DNAH7: variants seen among roughly 807,000 people sequenced by gnomAD.
DNAH7 encodes the protein axonemal beta dynein heavy chain 7.
DNAH7 carries 397 observed loss-of-function variants against 444.6 expected under a neutral mutation model. The ratio of observed to expected loss-of-function variants is 0.89; its 90% CI spans 0.82 to 0.97. The LOEUF (loss-of-function observed/expected upper bound fraction) is 0.97. Ranked by LOEUF, DNAH7 falls within the 50% of genes least tolerant of loss-of-function variation. The probability of loss-of-function intolerance (pLI) is 0.00; values close to 1 mark genes in which losing one functional copy is unlikely to be tolerated. For synonymous variants in DNAH7, 1,636 were observed against 1,624.4 expected (o/e 1.01, Z -0.17); for missense variants, 4,902 against 4,800.8 (o/e 1.02, Z -0.62).
intron 19 of DNAH7, among the ~76,000 whole-genome samples, chr2:195,939,656 G>C (rs909740847): frequency 6.6e-6 from 1 of 152,088 alleles, no homozygotes; most frequent in Non-Finnish European, 1.5e-5. Context: ...TTGGTTAAAA[G>C]AACACTGACT....
intron 7 of DNAH7, among the ~76,000 whole-genome samples, chr2:196,025,927 G>A (rs193034970): frequency 1.3e-5 from 2 of 152,146 alleles, no homozygotes; most frequent in Non-Finnish European, 2.9e-5. Context: ...AACTGGAGAC[G>A]CTTTTTTTAA....
chr2:195,811,742 A>G (rs774413331), intron 51 of DNAH7, among the ~76,000 whole-genome samples: 12 of 152,234 alleles, frequency 7.9e-5, no homozygotes, highest in Non-Finnish European at 1.3e-4. Context: ...AGAATACTTA[A>G]TAACATGAGA....
intron 47 of DNAH7, among the ~76,000 whole-genome samples, chr2:195,838,721 T>C (rs988583369): frequency 6.6e-6 from 1 of 151,904 alleles, no homozygotes; most frequent in African/African-American, 2.4e-5. Flanking sequence ...AATATAGTTA[T>C]ATTAAAAGTA....
intron 15 of DNAH7, 39 bp downstream of exon 15, chr2:195,984,593 T>C (rs1174885801): frequency 2.6e-6 from 4 of 1,551,982 alleles, no homozygotes; most frequent in Non-Finnish European, 3.6e-6. Flanking sequence ...CAATAATTAA[T>C]TGATACACAC....
At chr2:195,892,563 C>G (rs1460046649) in intron 30 of DNAH7, 4 of 151,604 alleles carry the variant, frequency 2.6e-5, no homozygotes, top group Non-Finnish European at 4.4e-5. Flanking sequence ...CAGATACTCT[C>G]TCTACTACCA....
At chr2:195,885,713 T>C (rs1376956183) in intron 34 of DNAH7, among the ~76,000 whole-genome samples, 2 of 152,074 alleles carry the variant, frequency 1.3e-5, no homozygotes, top group African/African-American at 2.4e-5. Flanking sequence ...AATCCAAATA[T>C]CTATTTATAC....
chr2:195,976,750 A>AGG (rs1692220880), intron 15 of DNAH7, among the ~76,000 whole-genome samples: 1 of 95,386 alleles, frequency 1.0e-5, no homozygotes, highest in Non-Finnish European at 1.9e-5. Flanking sequence ...AGGCAGACAG[A>AGG]GAGAGAGAGA....
intron 64 of DNAH7, among the ~76,000 whole-genome samples, 165 bp downstream of exon 64, chr2:195,740,585 ATGTGTGTGTGTGTGTG>A (rs71015727): frequency 0.42 from 55,039 of 131,586 alleles, 13,747 homozygotes; most frequent in Non-Finnish European, 0.56. Context: ...TTGACTGTAT[ATGTGTGTGTGTGTGTG>A]TGTGTGTGTG....
chr2:196,027,671 A>G (rs1695775889), intron 6 of DNAH7, among the ~76,000 whole-genome samples: 1 of 152,048 alleles, frequency 6.6e-6, no homozygotes, highest in Non-Finnish European at 1.5e-5. Context: ...TTATTATAGG[A>G]TAATTTCTCA....
chr2:195,738,556 A>G (rs1227990997), intron 64 of DNAH7, among the ~76,000 whole-genome samples: 1 of 152,134 alleles, frequency 6.6e-6, no homozygotes, highest in Non-Finnish European at 1.5e-5. Flanking sequence ...GAACCTTCCC[A>G]TTTTAGGAGA....
chr2:195,861,987 C>T lies in DNAH7; in HGVS notation c.7507-41G>A, dbSNP rs201406271. 6.0e-5 allele frequency: 90 copies of T among 1,497,140 alleles called. No individual in the cohort carries two copies. The African/African-American group carries it at 8.0e-4, about 13-fold the overall frequency. The allele number at this position is 1,497,140 out of a possible 1,614,324, so 92.7% of individuals were successfully genotyped here. A position where few individuals can be genotyped will look rare whatever the true frequency, so the allele number is the denominator to read the frequency against. On this transcript the variant is annotated intron_variant, in intron 41 of 64. Coordinates refer to ENST00000312428, the MANE Select transcript of DNAH7 (RefSeq NM_018897.3). ...ATGCTTTAGCATTTTATTAAGATTA[C>T]GAATCTGGATCTGCTACTACTGCAG...
rs528485210 is a variant in DNAH7 at position 195,847,457 on chromosome 2, C to T, written c.8782-2292G>A. Among the ~76,000 whole-genome samples, 3 of 151,620 alleles carry T rather than the reference C, an allele frequency of 2.0e-5. No individual in the cohort carries two copies. In the East Asian group the frequency reaches 5.8e-4, roughly 29 times the overall value. ...GCTAAATGATGACAAGGCATAGACA[C>T]AAAGAAGGGAGCAATAGACACTGGG... On this transcript the variant is annotated intron_variant, in intron 46 of 64. Coordinates refer to ENST00000312428, the MANE Select transcript of DNAH7 (RefSeq NM_018897.3).
Position 195,864,856 on chromosome 2 carries a change from T to C in DNAH7, c.6799A>G (p.Ser2267Gly). Residue 2267 changes from serine (S) to glycine (G), a missense_variant, in exon 41 of 65, where the codon AGC (serine) becomes GGC (glycine). Coordinates refer to ENST00000312428, the MANE Select transcript of DNAH7 (RefSeq NM_018897.3). The stretch of plus-strand genomic sequence containing the variant: ...TCATGGAAATCACAAAACATTAAGC[T>C]GCGTAAGTCATCTGCTTCCACCATG... ...DGMVEADDLRSLMFCDFHDPK... is the reference protein window; with the variant it reads ...DGMVEADDLRGLMFCDFHDPK... 4 of 1,614,132 alleles carry C rather than the reference T, an allele frequency of 2.5e-6. No homozygotes were observed. The highest frequency in any genetic ancestry group is 1.3e-5 in the African/African-American group (1 of 75,054).
chr2:195,753,343 A>G (rs974266123), intron 63 of DNAH7, among the ~76,000 whole-genome samples: 1 of 152,336 alleles, frequency 6.6e-6, no homozygotes, highest in East Asian at 1.9e-4. Flanking sequence ...GGATTGCTTC[A>G]TAGTGTTACA....
intron 15 of DNAH7, among the ~76,000 whole-genome samples, chr2:195,981,365 G>A (rs200168219): frequency 6.6e-6 from 1 of 152,034 alleles, no homozygotes; most frequent in East Asian, 1.9e-4. Context: ...GATATTCCAT[G>A]TTCATAAATT....
intron 15 of DNAH7, among the ~76,000 whole-genome samples, chr2:195,976,409 A>T (rs1004086760): frequency 1.3e-5 from 2 of 152,198 alleles, no homozygotes; most frequent in Non-Finnish European, 2.9e-5. Flanking sequence ...GCTGCAATAG[A>T]GTAGAGTACC....
At chr2:195,749,434 G>A (rs1693641740) in intron 63 of DNAH7, among the ~76,000 whole-genome samples, 1 of 152,102 alleles carries the variant, frequency 6.6e-6, no homozygotes, top group South Asian at 2.1e-4. Flanking sequence ...CGATTCCTCA[G>A]GGTTCTAGAA....
intron 7 of DNAH7, among the ~76,000 whole-genome samples, chr2:196,025,529 G>A (rs976598109): frequency 1.3e-5 from 2 of 152,054 alleles, no homozygotes; most frequent in Non-Finnish European, 2.9e-5. Context: ...TCTCATGGGC[G>A]TCTGCTATCA....
intron 15 of DNAH7, among the ~76,000 whole-genome samples, chr2:195,976,772 A>AGAGAGAGAGAGAGG (rs1692230561): frequency 6.6e-6 from 1 of 151,160 alleles, no homozygotes; most frequent in Non-Finnish European, 1.5e-5. Flanking sequence ...AGAGAGAGAG[A>AGAGAGAGAGAGAGG]GAGAGAGAGA....
Sources: allele counts gnomAD v4.1 joint callset (sites outside exome capture counted in the v4.1 genomes callset), GRCh38; gene constraint gnomAD v4.1.1; transcripts MANE v1.5; gene names NCBI Gene and HGNC (gene_info 2026-07-23, HGNC 2026-07-21).